The following CADPS2 variants were observed in gnomAD, a reference collection of about 807,000 sequenced individuals.
The protein encoded by CADPS2 is calcium-dependent secretion activator 2.
CADPS2 carries 93 observed loss-of-function variants against 172.5 expected under a neutral mutation model. The observed-to-expected ratio is 0.54, with a 90% CI of 0.46 to 0.64. The LOEUF is 0.64. Among genes scored for constraint, CADPS2 ranks in the 30% least tolerant of loss-of-function variants. The probability of loss-of-function intolerance (pLI) is 0.00; values close to 1 mark genes in which losing one functional copy is unlikely to be tolerated. For missense variants in CADPS2, 1,420 were observed against 1,565.9 expected (o/e 0.91, Z 1.57); for synonymous variants, 546 against 555.2 (o/e 0.98, Z 0.23).
intron 1 of CADPS2, among the ~76,000 whole-genome samples, chr7:122,821,920 T>C (rs951679802): frequency 2.0e-5 from 3 of 152,090 alleles, no homozygotes; most frequent in African/African-American, 7.2e-5. Context: ...GATGCTCCTT[T>C]TTATTAGGCC....
intron 22 of CADPS2, among the ~76,000 whole-genome samples, chr7:122,389,333 A>T (rs2044089468): frequency 1.3e-5 from 2 of 152,016 alleles, no homozygotes; most frequent in Admixed American, 6.6e-5. Flanking sequence ...AACTTAGTGC[A>T]AGGTATTGTC....
intron 2 of CADPS2, among the ~76,000 whole-genome samples, chr7:122,666,490 C>A (rs959534710): frequency 6.6e-6 from 1 of 152,006 alleles, no homozygotes; most frequent in East Asian, 1.9e-4. Flanking sequence ...ACTACTGGCA[C>A]GTGCCACCAT....
At chr7:122,750,270 AT>A (rs1444478741) in intron 1 of CADPS2, among the ~76,000 whole-genome samples, 1 of 152,054 alleles carries the variant, frequency 6.6e-6, no homozygotes, top group African/African-American at 2.4e-5. Context: ...ACAATATGTC[AT>A]TTTTGTGTAA....
At chr7:122,533,447 A>G (rs2061957144) in intron 8 of CADPS2, among the ~76,000 whole-genome samples, 1 of 152,030 alleles carries the variant, frequency 6.6e-6, no homozygotes, top group South Asian at 2.1e-4. Flanking sequence ...ATGTACACCC[A>G]TGGTCTTAAA....
chr7:122,812,924 A>G (rs1800385763), intron 1 of CADPS2, among the ~76,000 whole-genome samples: 1 of 152,186 alleles, frequency 6.6e-6, no homozygotes, highest in Non-Finnish European at 1.5e-5. Context: ...CTGAAAACAC[A>G]TCGGATGTTT....
intron 2 of CADPS2, among the ~76,000 whole-genome samples, chr7:122,716,481 G>T (rs2089618413): frequency 6.6e-6 from 1 of 152,044 alleles, no homozygotes; most frequent in African/African-American, 2.4e-5. Flanking sequence ...CTCCCAGTCA[G>T]CAGAAAGCTC....
chr7:122,645,435 G>GTA (rs1221450193), intron 3 of CADPS2, among the ~76,000 whole-genome samples: 47 of 86,892 alleles, frequency 5.4e-4, no homozygotes, highest in Admixed American at 2.9e-3. Context: ...GTGTATATAT[G>GTA]TATATATACA....
intron 9 of CADPS2, among the ~76,000 whole-genome samples, chr7:122,509,785 A>G (rs566656517): frequency 1.9e-3 from 282 of 152,266 alleles, no homozygotes; most frequent in Middle Eastern, 0.014. Context: ...TTATCTGTAC[A>G]ATGGGTATAA....
chr7:122,439,170 T>C (rs2051034460), intron 16 of CADPS2, among the ~76,000 whole-genome samples: 1 of 152,158 alleles, frequency 6.6e-6, no homozygotes, highest in Admixed American at 6.6e-5. Flanking sequence ...AAAAATGTTA[T>C]TACTGGGCAA....
At chr7:122,457,736 G>A (rs1038821991) in intron 14 of CADPS2, among the ~76,000 whole-genome samples, 1 of 152,148 alleles carries the variant, frequency 6.6e-6, no homozygotes, top group African/African-American at 2.4e-5. Context: ...ATCTTCTAGA[G>A]TTATTTTTTC....
At chr7:122,714,807 C>G (rs1048517707) in intron 2 of CADPS2, among the ~76,000 whole-genome samples, 1 of 152,100 alleles carries the variant, frequency 6.6e-6, no homozygotes, top group South Asian at 2.1e-4. Flanking sequence ...TAATAAGTTC[C>G]GATTTGAGTC....
intron 3 of CADPS2, among the ~76,000 whole-genome samples, chr7:122,639,338 A>G (rs1013558265): frequency 2.0e-5 from 3 of 152,222 alleles, no homozygotes; most frequent in East Asian, 3.8e-4. Flanking sequence ...CTAAAGGCAG[A>G]ATTCAACTGA....
chr7:122,387,126 G>A lies in CADPS2; in HGVS notation c.3212C>T (p.Thr1071Ile). The change falls in exon 24 of 30, where the codon ACT becomes ATT. Residue 1071 changes from threonine (T) to isoleucine (I), a missense_variant. Coordinates refer to ENST00000449022, the MANE Select transcript of CADPS2 (RefSeq NM_017954.11). Reference protein sequence around the residue: ...ELKLQKASKTTDLRIPASVCT... With the variant: ...ELKLQKASKTIDLRIPASVCT... ...AACGGAAGCTGGAATGCGCAAGTCA[G>A]TTGTTTTGCTTGCCTTTTGTAGCTT... 1 of 1,578,492 alleles carries A rather than the reference G, an allele frequency of 6.3e-7. No homozygotes were observed. The highest frequency in any genetic ancestry group is 8.6e-7 in the Non-Finnish European group (1 of 1,159,846).
At chr7:122,712,670 T>C (rs145404912) in intron 2 of CADPS2, among the ~76,000 whole-genome samples, 429 of 152,250 alleles carry the variant, frequency 2.8e-3, no homozygotes, top group Non-Finnish European at 5.0e-3. Flanking sequence ...TGGGCTGTTA[T>C]AACAAATTAC....
rs141232633 is a variant in CADPS2 at position 122,557,349 on chromosome 7, A to T, written c.1336-2660T>A. 4.1e-3 allele frequency among the ~76,000 whole-genome samples: 631 copies of T among 152,274 alleles called. 6 individuals carry two copies. The highest frequency in any genetic ancestry group is 0.014 in the African/African-American group (602 of 41,572). On this transcript the variant is annotated intron_variant, in intron 7 of 29. Coordinates refer to ENST00000449022, the MANE Select transcript of CADPS2 (RefSeq NM_017954.11). Reference sequence around the variant, plus strand: ...TTTTCAGAACACACAATACAGCTCTAATCAAGAGATCTGGGACACTTCCTT... The same window carrying T: ...TTTTCAGAACACACAATACAGCTCTTATCAAGAGATCTGGGACACTTCCTT...
intron 1 of CADPS2, among the ~76,000 whole-genome samples, chr7:122,771,679 G>C (rs2093707544): frequency 6.6e-6 from 1 of 152,144 alleles, no homozygotes; most frequent in Admixed American, 6.5e-5. Context: ...CCAAGGTGAG[G>C]GGGATCCCAA....
chr7:122,637,673 C>A (rs1203666493), intron 3 of CADPS2, among the ~76,000 whole-genome samples: 1 of 152,186 alleles, frequency 6.6e-6, no homozygotes. Flanking sequence ...GTAGTCATTA[C>A]AATCTGGTTA....
intron 6 of CADPS2, among the ~76,000 whole-genome samples, chr7:122,614,188 G>A (rs948137667): frequency 6.6e-6 from 1 of 152,034 alleles, no homozygotes; most frequent in Non-Finnish European, 1.5e-5. Context: ...GAGAAGGTGA[G>A]ATCCCAGAGG....
intron 1 of CADPS2, among the ~76,000 whole-genome samples, chr7:122,810,829 A>C (rs1375897586): frequency 6.6e-6 from 1 of 152,096 alleles, no homozygotes; most frequent in Non-Finnish European, 1.5e-5. Flanking sequence ...CCTGGCTTCA[A>C]GTGATTCTCC....
Sources: allele counts gnomAD v4.1 joint callset (sites outside exome capture counted in the v4.1 genomes callset), GRCh38; gene constraint gnomAD v4.1.1; transcripts MANE v1.5; gene names NCBI Gene and HGNC (gene_info 2026-07-23, HGNC 2026-07-21).